OGDH: variants seen among roughly 807,000 people sequenced by gnomAD.
The protein encoded by OGDH is 2-oxoglutarate dehydrogenase complex component E1.
A neutral mutation model predicts 116.6 loss-of-function variants in OGDH; 38 were observed. The observed-to-expected ratio is 0.33, with a 90% CI of 0.25 to 0.43. The LOEUF is 0.43. Ranked by LOEUF, OGDH falls within the 20% of genes least tolerant of loss-of-function variation. OGDH has a pLI of 1.00. For synonymous variants in OGDH, 488 were observed against 533.3 expected, an observed-to-expected ratio of 0.92 and a Z score of 1.17; for missense variants, 825 against 1,357.2, an observed-to-expected ratio of 0.61 and a Z score of 6.16.
intron 10 of OGDH, among the ~76,000 whole-genome samples, chr7:44,687,062 T>C (rs1788160189): frequency 6.6e-6 from 1 of 150,976 alleles, no homozygotes; most frequent in Non-Finnish European, 1.5e-5. Context: ...GTTTGGGATA[T>C]GCTCATGTTT....
intron 2 of OGDH, among the ~76,000 whole-genome samples, chr7:44,626,288 T>C (rs1785197949): frequency 7.5e-6 from 1 of 134,098 alleles, no homozygotes; most frequent in Admixed American, 7.7e-5. Context: ...TGTGGCAGAT[T>C]TCACACACAC....
At chr7:44,640,446 TTTG>T (rs1785879992) in intron 2 of OGDH, among the ~76,000 whole-genome samples, 1 of 149,782 alleles carries the variant, frequency 6.7e-6, no homozygotes, top group African/African-American at 2.5e-5. Flanking sequence ...GTGGGTTTTT[TTTG>T]TTTTGTTTTG....
intron 4 of OGDH, among the ~76,000 whole-genome samples, chr7:44,665,285 TAAAAA>T (rs61608424): frequency 4.0e-4 from 37 of 91,972 alleles, no homozygotes; most frequent in Admixed American, 7.4e-4. Context: ...CCCTCCAGGT[TAAAAA>T]AAAAAAAAAA....
chr7:44,637,995 G>T (rs1785750447), intron 2 of OGDH, among the ~76,000 whole-genome samples: 1 of 152,108 alleles, frequency 6.6e-6, no homozygotes, highest in South Asian at 2.1e-4. Context: ...CCCTGGCCCA[G>T]GACCCCTCAC....
At position 44,708,232 on chromosome 7, in the gene OGDH, G is replaced by T. The variant is rs762299450; in HGVS notation, c.*233G>T. ...TGACTTCTGAGCAGTTTTCCAGGAG[G>T]CCGGGGGGAGCAGGAGGAGGAAAGG... On this transcript the variant is annotated 3_prime_UTR_variant, in exon 23 of 23. Transcript: ENST00000222673. 5.8e-6 allele frequency: 3 copies of T among 516,472 alleles called. No homozygotes were observed. The highest frequency in any genetic ancestry group is 6.7e-6 in the Non-Finnish European group (2 of 298,750). 32.0% of individuals were successfully genotyped at this position (516,472 alleles called of 1,614,324 possible).
rs111350641 is a variant in OGDH at position 44,619,270 on chromosome 7, G to T, written c.-27-5047G>T. On this transcript the variant is annotated intron_variant, in intron 1 of 22. Coordinates refer to ENST00000222673, the MANE Select transcript of OGDH (RefSeq NM_002541.4). ...TCATGGGATCTCCAGTTTCTAGCTG[G>T]TTGGCCAGAAGTACAAGTAAGACAA... 4.7e-4 allele frequency among the ~76,000 whole-genome samples: 72 copies of T among 152,318 alleles called. 1 individual carries two copies. Among genetic ancestry groups the T allele is most frequent in the African/African-American group, 1.5e-3 (64 of 41,570 alleles).
At position 44,645,397 on chromosome 7, in the gene OGDH, C is replaced by A. The variant is rs369389516; in HGVS notation, c.293C>A (p.Pro98His). ...PPGTAYQSPL[P>H]LSRGSLAAVA... Reference sequence around the variant, plus strand: ...GGCACTGCCTACCAGAGTCCCCTTCCCCTGAGCCGAGGCTCCCTGGCTGCT... The same window carrying A: ...GGCACTGCCTACCAGAGTCCCCTTCACCTGAGCCGAGGCTCCCTGGCTGCT... Residue 98 changes from proline (P) to histidine (H), a missense_variant, in exon 3 of 23, where the codon CCC becomes CAC. Pro to His is a moderately conservative substitution (Grantham distance 77). Transcript: ENST00000222673. The A allele has an allele frequency of 1.2e-6, 2 of 1,614,220 alleles. No individual in the cohort carries two copies. Among genetic ancestry groups the A allele is most frequent in the African/African-American group, 1.3e-5 (1 of 75,058 alleles).
intron 5 of OGDH, among the ~76,000 whole-genome samples, chr7:44,667,903 G>A (rs963356616): frequency 1.1e-4 from 16 of 152,080 alleles, no homozygotes; most frequent in African/African-American, 3.4e-4. Context: ...GAATCCTGAC[G>A]TCCCTAACTA....
At chr7:44,634,889 G>T (rs1466023334) in intron 2 of OGDH, among the ~76,000 whole-genome samples, 4 of 152,230 alleles carry the variant, frequency 2.6e-5, no homozygotes, top group Admixed American at 2.6e-4. Flanking sequence ...TTTGCTGAAG[G>T]CTCTGGAGGT....
At chr7:44,688,059 T>C (rs1298599955) in intron 10 of OGDH, among the ~76,000 whole-genome samples, 1 of 152,164 alleles carries the variant, frequency 6.6e-6, no homozygotes, top group Non-Finnish European at 1.5e-5. Context: ...TTGTTTCTAC[T>C]TTTGGGCTAT....
At chr7:44,616,890 T>C (rs1388495749) in intron 1 of OGDH, among the ~76,000 whole-genome samples, 7 of 134,898 alleles carry the variant, frequency 5.2e-5, no homozygotes, top group Admixed American at 5.0e-4. Flanking sequence ...TATATGTATA[T>C]ATGTGAGCCG....
At chr7:44,616,000 G>A (rs1328972439) in intron 1 of OGDH, among the ~76,000 whole-genome samples, 3 of 151,416 alleles carry the variant, frequency 2.0e-5, no homozygotes, top group Middle Eastern at 3.4e-3. Flanking sequence ...CTGCACTCCA[G>A]CCTGGGCAAC....
rs1243853249 is a variant in OGDH, at chr7:44,675,200, A to G, written c.958A>G (p.Asn320Asp). The change falls in exon 8 of 23, where the codon AAT (asparagine) becomes GAT (aspartate). Residue 320 changes from asparagine (N) to aspartate (D), a missense_variant. By Grantham distance (23) the Asn-to-Asp change is conservative. Transcript: ENST00000222673. The part of the protein sequence containing the change: ...PHRGRLNVLA[N>D]VIRKELEQIF... ...CAGAGGGCGGCTGAACGTGCTTGCA[A>G]ATGTCATCAGGAAGGAGCTGGAACA... is the stretch of plus-strand genomic sequence containing the variant. 1.9e-6 allele frequency: 3 copies of G among 1,613,974 alleles called. No homozygotes were observed. Among genetic ancestry groups the G allele is most frequent in the African/African-American group, 1.3e-5 (1 of 74,910 alleles).
chr7:44,686,347 G>C (rs1788125444), intron 10 of OGDH, among the ~76,000 whole-genome samples: 2 of 152,190 alleles, frequency 1.3e-5, no homozygotes. Context: ...TCTGTGGACA[G>C]TATATATAAT....
intron 1 of OGDH, among the ~76,000 whole-genome samples, chr7:44,616,789 A>ACACG (rs1406002742): frequency 1.8e-5 from 2 of 113,406 alleles, no homozygotes; most frequent in Non-Finnish European, 3.8e-5. Context: ...ATATGCATAT[A>ACACG]TATATGTGTA....
intron 7 of OGDH, 132 bp from the exon 8 acceptor site, chr7:44,675,046 T>C: frequency 1.4e-6 from 1 of 697,926 alleles, no homozygotes; most frequent in Non-Finnish European, 2.5e-6. Context: ...AGTTTACAGC[T>C]ATCCTTGGGC....
intron 12 of OGDH, among the ~76,000 whole-genome samples, chr7:44,695,092 T>TTCTTG (rs1554308086): frequency 7.0e-4 from 106 of 152,096 alleles, no homozygotes; most frequent in African/African-American, 2.4e-3. Context: ...ACCAGTTTTT[T>TTCTTG]TTTTGTTTTG....
chr7:44,705,123 G>C (rs1207269174), intron 20 of OGDH, among the ~76,000 whole-genome samples: 4 of 136,738 alleles, frequency 2.9e-5, no homozygotes, highest in Non-Finnish European at 6.1e-5. Flanking sequence ...CGGGATCTCG[G>C]CTCACTGCAA....
intron 2 of OGDH, among the ~76,000 whole-genome samples, chr7:44,642,407 G>C (rs565965642): frequency 1.5e-4 from 23 of 152,234 alleles, no homozygotes; most frequent in Admixed American, 7.8e-4. Flanking sequence ...CTGGGCAGCA[G>C]AGCCAGACCC....
Sources: gnomAD v4.1 joint callset for allele counts (sites outside exome capture counted in the v4.1 genomes callset) on GRCh38, gnomAD v4.1.1 for gene constraint, MANE v1.5 for transcripts, NCBI Gene and HGNC (gene_info 2026-07-23, HGNC 2026-07-21) for gene names.